Variants in DEPTOR observed in about 807,000 individuals in gnomAD.
DEPTOR encodes DEP domain containing MTOR interacting protein, also known as DEP domain-containing mTOR-interacting protein.
DEPTOR carries 41 observed loss-of-function variants against 41.6 expected under a neutral mutation model. The ratio of observed to expected loss-of-function variants is 0.98; its 90% CI spans 0.77 to 1.28. The LOEUF is 1.28. Among genes scored for constraint, DEPTOR ranks in the 50% most tolerant of loss-of-function variants. The pLI, the probability that DEPTOR is intolerant of heterozygous loss-of-function variation, is 0.00. For synonymous variants in DEPTOR, 195 were observed against 192.3 expected, an observed-to-expected ratio of 1.01 and a Z score of -0.12; for missense variants, 514 against 527.9, an observed-to-expected ratio of 0.97 and a Z score of 0.26.
chr8:119,969,380 G>C (rs1292841350), intron 4 of DEPTOR, among the ~76,000 whole-genome samples: 1 of 147,862 alleles, frequency 6.8e-6, no homozygotes, highest in Non-Finnish European at 1.5e-5. Flanking sequence ...TTGAGATGGA[G>C]TTTTGCTCTT....
chr8:120,021,662 C>T (rs1266230057), intron 8 of DEPTOR, among the ~76,000 whole-genome samples: 2 of 152,160 alleles, frequency 1.3e-5, no homozygotes, highest in Non-Finnish European at 2.9e-5. Context: ...TTGCAGTATA[C>T]TATTCCAATT....
chr8:119,935,449 G>T (rs555245385), intron 3 of DEPTOR, among the ~76,000 whole-genome samples: 2 of 152,086 alleles, frequency 1.3e-5, no homozygotes, highest in Admixed American at 6.6e-5. Flanking sequence ...GGCCAGACAC[G>T]GTGGCTCACA....
In DEPTOR at chr8:119,928,488, G is replaced by A; in HGVS notation, c.211G>A (p.Asp71Asn). 1 of 1,614,138 alleles carries A rather than the reference G, an allele frequency of 6.2e-7. No individual in the cohort carries two copies. The highest frequency in any genetic ancestry group is 8.5e-7 in the Non-Finnish European group (1 of 1,180,016). The change falls in exon 2 of 9, where the codon GAC (aspartate) becomes AAC (asparagine). Residue 71 changes from aspartate to asparagine, a missense_variant. Physicochemically the swap from Asp to Asn is conservative, Grantham distance 23 (BLOSUM62 1). Coordinates refer to ENST00000286234, the MANE Select transcript of DEPTOR (RefSeq NM_022783.4). ...PNCFVAKELI[D>N]WLIEHKEASD... is the part of the protein sequence containing the mutation. ...CTGTTTTGTCGCAAAAGAACTGATTGACTGGCTGATTGAACACAAAGAGGC... is the reference window on the plus strand; with the variant it reads ...CTGTTTTGTCGCAAAAGAACTGATTAACTGGCTGATTGAACACAAAGAGGC...
chr8:120,018,390 C>A (rs867514091), intron 8 of DEPTOR, among the ~76,000 whole-genome samples: 3 of 152,134 alleles, frequency 2.0e-5, no homozygotes, highest in African/African-American at 4.8e-5. Flanking sequence ...CCAGCCTGGC[C>A]AACATGGCGA....
chr8:120,002,455 A>G (rs770601676), intron 5 of DEPTOR, among the ~76,000 whole-genome samples: 12 of 152,026 alleles, frequency 7.9e-5, no homozygotes, highest in South Asian at 2.1e-4. Flanking sequence ...TAGTTTTTAT[A>G]TATCATTTAA....
chr8:119,934,299 T>A (rs1036117427), intron 3 of DEPTOR, among the ~76,000 whole-genome samples: 26 of 152,204 alleles, frequency 1.7e-4, no homozygotes, highest in African/African-American at 6.0e-4. Context: ...TGTATGTCAC[T>A]CTAGTTACCT....
intron 5 of DEPTOR, among the ~76,000 whole-genome samples, 186 bp from the exon 6 acceptor site, chr8:120,002,791 A>AAAAAAAAT: frequency 3.5e-4 from 21 of 60,670 alleles, no homozygotes; most frequent in African/African-American, 1.1e-3. Flanking sequence ...AAAAAAAAAA[A>AAAAAAAAT]ATATATATAT....
intron 8 of DEPTOR, among the ~76,000 whole-genome samples, chr8:120,012,028 A>C (rs1273007377): frequency 1.3e-5 from 2 of 152,202 alleles, no homozygotes; most frequent in African/African-American, 2.4e-5. Flanking sequence ...GAAATTTACA[A>C]AGCACATTAG....
At chr8:119,982,250 A>G (rs946216343) in intron 4 of DEPTOR, among the ~76,000 whole-genome samples, 19 of 152,112 alleles carry the variant, frequency 1.2e-4, no homozygotes, top group African/African-American at 3.6e-4. Flanking sequence ...TGAACATAAC[A>G]TAACTGAACA....
chr8:120,018,547 C>A (rs1812647561), intron 8 of DEPTOR, among the ~76,000 whole-genome samples: 1 of 152,128 alleles, frequency 6.6e-6, no homozygotes, highest in African/African-American at 2.4e-5. Context: ...CCACTGCGCT[C>A]CAGCTTGTGC....
intron 1 of DEPTOR, chr8:119,874,362 C>T (rs1295942361): frequency 4.1e-6 from 1 of 243,724 alleles, no homozygotes; most frequent in East Asian, 1.5e-4. Flanking sequence ...GCTGTGGGGT[C>T]CCGAGGCGAC....
intron 8 of DEPTOR, among the ~76,000 whole-genome samples, chr8:120,044,780 A>T (rs1382952347): frequency 1.3e-5 from 2 of 152,210 alleles, no homozygotes; most frequent in Non-Finnish European, 2.9e-5. Context: ...CTTGAGAAAT[A>T]CTAGGTTTTT....
At chr8:119,965,812 T>G (rs1563978231) in intron 4 of DEPTOR, among the ~76,000 whole-genome samples, 1 of 152,284 alleles carries the variant, frequency 6.6e-6, no homozygotes, top group East Asian at 1.9e-4. Flanking sequence ...GGTTGGTTGT[T>G]AGAGAATAAA....
intron 8 of DEPTOR, among the ~76,000 whole-genome samples, chr8:120,042,394 C>T (rs920878109): frequency 6.6e-6 from 1 of 152,048 alleles, no homozygotes; most frequent in Non-Finnish European, 1.5e-5. Flanking sequence ...CATAGTAATA[C>T]CTACATTTCT....
At chr8:119,946,517 G>C (rs926050174) in intron 3 of DEPTOR, among the ~76,000 whole-genome samples, 1 of 151,566 alleles carries the variant, frequency 6.6e-6, no homozygotes, top group Non-Finnish European at 1.5e-5. Context: ...CAAGGTGGTA[G>C]ATCACTGGAG....
chr8:120,028,836 G>A (rs1189258251), intron 8 of DEPTOR, among the ~76,000 whole-genome samples: 3 of 151,678 alleles, frequency 2.0e-5, no homozygotes, highest in African/African-American at 7.3e-5. Context: ...TGTAATCCCA[G>A]CATTTTGGGA....
intron 1 of DEPTOR, among the ~76,000 whole-genome samples, chr8:119,888,687 C>T (rs1395922767): frequency 1.3e-5 from 2 of 151,966 alleles, no homozygotes; most frequent in African/African-American, 2.4e-5. Context: ...GAAACCCCGT[C>T]TCTACTAAAA....
intron 4 of DEPTOR, among the ~76,000 whole-genome samples, chr8:119,977,744 A>G (rs1828714019): frequency 1.3e-5 from 2 of 152,220 alleles, no homozygotes; most frequent in African/African-American, 2.4e-5. Flanking sequence ...AGAAAGTATG[A>G]AAGGAATACA....
chr8:120,014,906 A>AT (rs1265385209), intron 8 of DEPTOR, among the ~76,000 whole-genome samples: 1 of 54,830 alleles, frequency 1.8e-5, no homozygotes, highest in African/African-American at 7.0e-5. Context: ...GAATGATATA[A>AT]TCTTTTTTTT....
Sources: allele counts gnomAD v4.1 joint callset (sites outside exome capture counted in the v4.1 genomes callset), GRCh38; gene constraint gnomAD v4.1.1; transcripts MANE v1.5; gene names NCBI Gene and HGNC (gene_info 2026-07-23, HGNC 2026-07-21).